The following TULP4 variants were observed in gnomAD, a reference collection of about 807,000 sequenced individuals.
The protein encoded by TULP4 is tubby-related protein 4.
TULP4 carries 16 observed loss-of-function variants against 129.0 expected under a neutral mutation model. The ratio of observed to expected loss-of-function variants is 0.12; its 90% CI spans 0.08 to 0.19. The LOEUF (loss-of-function observed/expected upper bound fraction) is 0.19. Among genes scored for constraint, TULP4 ranks in the 10% least tolerant of loss-of-function variants. The probability of loss-of-function intolerance (pLI) is 1.00; values close to 1 mark genes in which losing one functional copy is unlikely to be tolerated. For missense variants in TULP4, 1,842 were observed against 2,059.1 expected, an observed-to-expected ratio of 0.89 and a Z score of 2.04; for synonymous variants, 998 against 854.0, an observed-to-expected ratio of 1.17 and a Z score of -2.94.
intron 6 of TULP4, among the ~76,000 whole-genome samples, chr6:158,475,561 A>C (rs1779799068): frequency 6.6e-6 from 1 of 152,226 alleles, no homozygotes; most frequent in Non-Finnish European, 1.5e-5. Context: ...CACAACGTGA[A>C]TCTGGGAGCT....
chr6:158,414,092 A>C (rs1213461657), intron 2 of TULP4, among the ~76,000 whole-genome samples: 1 of 152,230 alleles, frequency 6.6e-6, no homozygotes, highest in African/African-American at 2.4e-5. Context: ...ATGAATGAAG[A>C]CATTATTGTC....
At chr6:158,304,348 T>G (rs1341272099) in intron 1 of TULP4, among the ~76,000 whole-genome samples, 1 of 152,176 alleles carries the variant, frequency 6.6e-6, no homozygotes, top group Non-Finnish European at 1.5e-5. Flanking sequence ...GGTTTGAGAT[T>G]CTAATATCCT....
chr6:158,478,745 C>T (rs1480711990), intron 6 of TULP4, among the ~76,000 whole-genome samples: 6 of 152,238 alleles, frequency 3.9e-5, no homozygotes, highest in South Asian at 2.1e-4. Context: ...GCTGCTTCTC[C>T]GTCACGACCC....
chr6:158,456,452 C>T (rs1380389494), intron 5 of TULP4, among the ~76,000 whole-genome samples: 1 of 151,880 alleles, frequency 6.6e-6, no homozygotes, highest in Non-Finnish European at 1.5e-5. Flanking sequence ...ATTTATGTGG[C>T]CCAAGACAAT....
chr6:158,502,561 C>T lies in TULP4; in HGVS notation c.2898C>T (p.Ser966=), dbSNP rs1178563452. The change falls in exon 13 of 14, where the codon AGC becomes AGT. Residue 966 remains serine (S), a synonymous_variant. Coordinates refer to ENST00000367097, the MANE Select transcript of TULP4 (RefSeq NM_020245.5). Reference sequence around the variant, plus strand: ...CACCCCCGTATCCTGAAATTGCCAGCCAGCTGGCCCAGGGGCGGGGGGCTG... The same window carrying T: ...CACCCCCGTATCCTGAAATTGCCAGTCAGCTGGCCCAGGGGCGGGGGGCTG... ...GDPPPYPEIA[S]QLAQGRGAAQ... 1.6e-5 allele frequency: 26 copies of T among 1,606,572 alleles called. No homozygotes were observed. The highest frequency in any genetic ancestry group is 1.9e-5 in the Non-Finnish European group (23 of 1,179,896).
At chr6:158,258,689 A>G (rs755347192) in intron 1 of TULP4, among the ~76,000 whole-genome samples, 13 of 152,240 alleles carry the variant, frequency 8.5e-5, no homozygotes, top group Non-Finnish European at 1.8e-4. Flanking sequence ...CAAATAAAAA[A>G]CTAAATTAAA....
intron 1 of TULP4, among the ~76,000 whole-genome samples, chr6:158,406,627 C>T (rs975122565): frequency 1.3e-5 from 2 of 152,026 alleles, no homozygotes; most frequent in African/African-American, 2.4e-5. Flanking sequence ...TCCTCCAGAC[C>T]GTAATTATAA....
chr6:158,498,499 A>G (rs970635731), intron 11 of TULP4, among the ~76,000 whole-genome samples, 170 bp from the exon 12 acceptor site: 1 of 152,148 alleles, frequency 6.6e-6, no homozygotes, highest in African/African-American at 2.4e-5. Context: ...GGTCGCATTG[A>G]GTACTAGGGA....
chr6:158,350,553 C>T (rs756726151), intron 1 of TULP4, among the ~76,000 whole-genome samples: 3 of 152,076 alleles, frequency 2.0e-5, no homozygotes, highest in Admixed American at 6.5e-5. Context: ...GGCAAAACCC[C>T]GTCTCCACCA....
intron 1 of TULP4, among the ~76,000 whole-genome samples, chr6:158,289,793 A>G (rs1029458070): frequency 2.7e-5 from 4 of 149,786 alleles, no homozygotes; most frequent in Non-Finnish European, 4.5e-5. Context: ...GTTGCCCAGG[A>G]TGGTCTTGAA....
chr6:158,279,059 C>T (rs1172917785), upstream of TULP4, among the ~76,000 whole-genome samples: 1 of 83,298 alleles, frequency 1.2e-5, no homozygotes, highest in African/African-American at 6.2e-5. Context: ...CCTGCCTCAG[C>T]CTCCCGAGTA....
chr6:158,290,875 G>A lies in TULP4; in HGVS notation n.116+8497G>A, dbSNP rs920039548. Among the ~76,000 whole-genome samples the A allele has an allele frequency of 3.9e-5, 6 of 152,128 alleles. No individual in the cohort carries two copies. The East Asian group carries it at 5.8e-4, about 15-fold the overall frequency. ...AGCACATAAACTAGAAACTGAAACCGGCAGCCTGGTGTGACACCCAGCTCT... is the reference window on the plus strand; with the variant it reads ...AGCACATAAACTAGAAACTGAAACCAGCAGCCTGGTGTGACACCCAGCTCT... On this transcript the variant is annotated intron_variant and non_coding_transcript_variant, in intron 1 of 1. Transcript: ENST00000432358.
chr6:158,282,424 G>T (rs1343131227), intron 1 of TULP4: 2 of 151,928 alleles, frequency 1.3e-5, no homozygotes, highest in Non-Finnish European at 2.9e-5. Flanking sequence ...AGAACTAGAT[G>T]ATATAAATCA....
chr6:158,240,620 C>T (rs1472472433), intron 1 of TULP4, among the ~76,000 whole-genome samples: 1 of 106,346 alleles, frequency 9.4e-6, no homozygotes, highest in Non-Finnish European at 2.2e-5. Flanking sequence ...CCCTCACCTC[C>T]CAGACGGGGC....
At chr6:158,371,064 A>G (rs1777059797) in intron 1 of TULP4, among the ~76,000 whole-genome samples, 1 of 152,222 alleles carries the variant, frequency 6.6e-6, no homozygotes, top group Non-Finnish European at 1.5e-5. Flanking sequence ...ACCTCGCCTA[A>G]GCTTTACTTT....
chr6:158,508,217 T>C lies in TULP4; in HGVS notation c.*1523T>C, dbSNP rs1164528407. 1 of 152,222 alleles carries C rather than the reference T, an allele frequency of 6.6e-6. No homozygotes were observed. 9.4% of individuals were successfully genotyped at this position (152,222 alleles called of 1,614,324 possible). A position where few individuals can be genotyped will look rare whatever the true frequency, so the allele number is the denominator to read the frequency against. On this transcript the variant is annotated 3_prime_UTR_variant, in exon 14 of 14. Transcript: ENST00000367097. ...GTCTTACCTGTGATGTTGTTTAGGA[T>C]CAGGCCCCTCTCCTGGGCCTGCTGT...
intron 1 of TULP4, among the ~76,000 whole-genome samples, chr6:158,249,033 G>C (rs1429734084): frequency 1.3e-5 from 2 of 150,620 alleles, no homozygotes; most frequent in African/African-American, 4.9e-5. Context: ...GCTGAGGTGG[G>C]AGGATCACTT....
At chr6:158,501,424 T>C (rs1780440681) in intron 12 of TULP4, among the ~76,000 whole-genome samples, 1 of 152,200 alleles carries the variant, frequency 6.6e-6, no homozygotes, top group African/African-American at 2.4e-5. Flanking sequence ...GTGCCAAGTT[T>C]AGAAGGTTCA....
intron 2 of TULP4, among the ~76,000 whole-genome samples, chr6:158,423,633 T>TTTGTTG (rs56085300): frequency 1.6e-3 from 241 of 150,778 alleles, no homozygotes; most frequent in African/African-American, 5.1e-3. Flanking sequence ...GTTTTTGTTT[T>TTTGTTG]TTGTTGTTGT....
Sources: allele counts gnomAD v4.1 joint callset (sites outside exome capture counted in the v4.1 genomes callset), GRCh38; gene constraint gnomAD v4.1.1; transcripts MANE v1.5; gene names NCBI Gene and HGNC (gene_info 2026-07-23, HGNC 2026-07-21).